Variants in FYB2 observed in about 807,000 individuals in gnomAD.
FYB2 encodes the protein FYN binding protein 2.
A neutral mutation model predicts 94.1 loss-of-function variants in FYB2; 103 were observed. That is an observed-to-expected ratio of 1.09 (90% CI 0.93 to 1.29). FYB2 has a LOEUF of 1.29. FYB2 is among the 50% of genes most tolerant of loss of function. The pLI is 0.00. For missense variants in FYB2, 896 were observed against 841.5 expected, an observed-to-expected ratio of 1.06 and a Z score of -0.80; for synonymous variants, 293 against 287.9, an observed-to-expected ratio of 1.02 and a Z score of -0.18.
At chr1:56,728,061 A>G (rs1384283728) in intron 15 of FYB2, among the ~76,000 whole-genome samples, 3 of 152,094 alleles carry the variant, frequency 2.0e-5, no homozygotes, top group African/African-American at 7.2e-5. Context: ...CCCTAACTTG[A>G]TATTTCAGGG....
intron 15 of FYB2, among the ~76,000 whole-genome samples, chr1:56,728,527 A>C (rs1215560439): frequency 6.6e-6 from 1 of 152,168 alleles, no homozygotes; most frequent in African/African-American, 2.4e-5. Context: ...TTGATAAAAA[A>C]GGGAGTACCT....
chr1:56,821,348 A>G (rs1455865465), upstream of FYB2, among the ~76,000 whole-genome samples: 3 of 151,336 alleles, frequency 2.0e-5, 1 homozygote, highest in Non-Finnish European at 4.4e-5. Flanking sequence ...GCTAGGTCCT[A>G]GGCACTAATC....
rs202226006 is a variant in FYB2, at chr1:56,742,223, T to C, written c.1544-2A>G. 108 of 1,585,894 alleles carry C rather than the reference T, an allele frequency of 6.8e-5. No individual in the cohort carries two copies. The highest frequency in any genetic ancestry group is 8.8e-5 in the Non-Finnish European group (102 of 1,157,620). Reference sequence around the variant, plus strand: ...CTTCATACAGTTCTCTATTTTCTTCTGAAATTAGAAGAAAACCCTACTTAT... The same window carrying C: ...CTTCATACAGTTCTCTATTTTCTTCCGAAATTAGAAGAAAACCCTACTTAT... On this transcript the variant is annotated splice_acceptor_variant, in intron 11 of 19. Coordinates refer to ENST00000343433, the MANE Select transcript of FYB2 (RefSeq NM_001004303.5). LOFTEE classifies it high-confidence loss of function.
At chr1:56,739,000 A>ATGT (rs1258518500) in intron 13 of FYB2, among the ~76,000 whole-genome samples, 6 of 152,186 alleles carry the variant, frequency 3.9e-5, no homozygotes, top group African/African-American at 9.6e-5. Context: ...TGAGAATGTC[A>ATGT]TGTTCAAAGC....
intron 1 of FYB2, among the ~76,000 whole-genome samples, chr1:56,813,418 C>T (rs148936019): frequency 1.6e-4 from 24 of 152,262 alleles, no homozygotes; most frequent in Non-Finnish European, 2.8e-4. Context: ...CATCAGCTCT[C>T]ATGAGACTTA....
chr1:56,731,466 C>T (rs937364696), intron 15 of FYB2, among the ~76,000 whole-genome samples: 6 of 152,082 alleles, frequency 3.9e-5, no homozygotes, highest in African/African-American at 1.4e-4. Flanking sequence ...AGGCATGAGC[C>T]ACTGCACCTG....
intron 9 of FYB2, among the ~76,000 whole-genome samples, chr1:56,745,073 T>C (rs1160431154): frequency 2.0e-5 from 3 of 152,034 alleles, no homozygotes; most frequent in Non-Finnish European, 2.9e-5. Flanking sequence ...TCTCAATGAA[T>C]GTCAGCTCTC....
chr1:56,790,074 T>C (rs1201802798), intron 2 of FYB2, among the ~76,000 whole-genome samples: 1 of 152,194 alleles, frequency 6.6e-6, no homozygotes, highest in Non-Finnish European at 1.5e-5. Context: ...GAAAATCATA[T>C]CTGCCCTTTA....
chr1:56,788,939 T>C (rs2100950039), intron 3 of FYB2, 34 bp downstream of exon 3: 2 of 1,613,164 alleles, frequency 1.2e-6, no homozygotes, highest in East Asian at 4.5e-5. Context: ...TGACTCCTGG[T>C]TGGCCTTGTG....
chr1:56,721,456 A>G (rs1644484228), intron 17 of FYB2, among the ~76,000 whole-genome samples: 1 of 152,018 alleles, frequency 6.6e-6, no homozygotes, highest in Non-Finnish European at 1.5e-5. Context: ...TACAAGACAG[A>G]TTTTTCCTTT....
intron 16 of FYB2, among the ~76,000 whole-genome samples, chr1:56,725,098 C>G (rs951747807): frequency 6.6e-6 from 1 of 151,988 alleles, no homozygotes; most frequent in Non-Finnish European, 1.5e-5. Flanking sequence ...CAGCCTGAGG[C>G]CTTCACCGAA....
At chr1:56,747,733 A>G (rs1198626019) in intron 9 of FYB2, among the ~76,000 whole-genome samples, 2 of 152,168 alleles carry the variant, frequency 1.3e-5, no homozygotes, top group Admixed American at 1.3e-4. Flanking sequence ...TCTTTATAGT[A>G]GAATTATTTA....
chr1:56,799,088 T>C (rs1217951361), intron 1 of FYB2, among the ~76,000 whole-genome samples: 1 of 152,216 alleles, frequency 6.6e-6, no homozygotes, highest in African/African-American at 2.4e-5. Context: ...ATATATGATG[T>C]CTTAATTAAT....
chr1:56,792,820 T>TCAAA lies in FYB2; in HGVS notation c.10-21_10-18dup, dbSNP rs773346006. 11 of 1,573,480 alleles carry TCAAA rather than the reference T, an allele frequency of 7.0e-6. No homozygotes were observed. Among genetic ancestry groups the TCAAA allele is most frequent in the Non-Finnish European group, 9.5e-6 (11 of 1,163,298 alleles). ...TACCCCTTCCTAAGGCAAAGAATAA[T>TCAAA]CAAACAAACAAACAAAAACAAAAAC... On this transcript the variant is annotated splice_polypyrimidine_tract_variant and intron_variant, in intron 1 of 19. Transcript: ENST00000343433.
intron 2 of FYB2, among the ~76,000 whole-genome samples, chr1:56,790,157 T>C (rs562648706): frequency 6.6e-6 from 1 of 152,334 alleles, no homozygotes; most frequent in African/African-American, 2.4e-5. Context: ...AGTAGTTGAC[T>C]ACATGGGCCA....
In FYB2 at chr1:56,818,455, AACACACACACACACACACACAC is replaced by A. The variant is rs3991685; in HGVS notation, c.9+805_9+826del. Among the ~76,000 whole-genome samples, 190 of 139,966 alleles carry A rather than the reference AACACACACACACACACACACAC, an allele frequency of 1.4e-3. 1 individual carries two copies. The highest frequency in any genetic ancestry group is 4.8e-3 in the African/African-American group (180 of 37,374). The allele number at this position is 139,966 out of a possible 152,430, so 91.8% of individuals were successfully genotyped here. On this transcript the variant is annotated intron_variant, in intron 1 of 19. Coordinates refer to ENST00000343433, the MANE Select transcript of FYB2 (RefSeq NM_001004303.5). Reference sequence around the variant, plus strand: ...AATATATAATAAAAAGTATGGAAGCAACACACACACACACACACACACACACACACACACACACACACACATG... The same window carrying A: ...AATATATAATAAAAAGTATGGAAGCAACACACACACACACACACACACATG...
chr1:56,725,386 C>G (rs1200487293), intron 16 of FYB2, among the ~76,000 whole-genome samples: 3 of 151,934 alleles, frequency 2.0e-5, no homozygotes, highest in African/African-American at 7.3e-5. Context: ...AAATAACTAG[C>G]CTTACAGTAA....
intron 1 of FYB2, among the ~76,000 whole-genome samples, chr1:56,809,146 G>C (rs753070366): frequency 6.6e-5 from 10 of 152,178 alleles, no homozygotes; most frequent in Non-Finnish European, 1.2e-4. Flanking sequence ...AGACTTCAGT[G>C]GTGACAGTGG....
Position 56,720,010 on chromosome 1 carries a change from C to T in FYB2, c.2165+12G>A. The T allele has an allele frequency of 6.3e-7, 1 of 1,590,240 alleles. No homozygotes were observed. ...GAACTCATGATTTAAAGTATAAAAT[C>T]AAACAGCTTACTTGAAATCTAGATG... is the stretch of plus-strand genomic sequence containing the variant. On this transcript the variant is annotated intron_variant, in intron 19 of 19. Transcript: ENST00000343433.
Sources: gnomAD v4.1 joint callset for allele counts (sites outside exome capture counted in the v4.1 genomes callset) on GRCh38, gnomAD v4.1.1 for gene constraint, MANE v1.5 for transcripts, NCBI Gene and HGNC (gene_info 2026-07-23, HGNC 2026-07-21) for gene names.